The following RBFOX1 variants were observed in gnomAD, a reference collection of about 807,000 sequenced individuals.
The protein encoded by RBFOX1 is RNA binding fox-1 homolog 1.
RBFOX1 carries 8 observed loss-of-function variants against 57.7 expected under a neutral mutation model. That is an observed-to-expected ratio of 0.14 (90% CI 0.08 to 0.25). The LOEUF is 0.25. RBFOX1 is among the 10% of genes least tolerant of loss of function. RBFOX1 has a pLI of 1.00. For missense variants in RBFOX1, 611 were observed against 548.5 expected (o/e 1.11, Z -1.14); for synonymous variants, 326 against 222.4 (o/e 1.47, Z -4.15).
At chr16:5,995,378 T>C (rs1170285455) in intron 4 of RBFOX1, among the ~76,000 whole-genome samples, 2 of 152,094 alleles carry the variant, frequency 1.3e-5, no homozygotes, top group East Asian at 1.9e-4. Context: ...CTCATTAAGA[T>C]AGATTGCCCG....
In RBFOX1 at chr16:7,709,549, G is replaced by A. The variant is rs2083574928; in HGVS notation, c.1071+418G>A. On this transcript the variant is annotated intron_variant, in intron 15 of 15. Transcript: ENST00000550418. The stretch of plus-strand genomic sequence containing the variant: ...AGAGGAGCTAAGCTGCACACTTCCA[G>A]GCCTCTGCTGTCAGGCAGCTGAGAA... The A allele has an allele frequency of 2.6e-6, 4 of 1,532,260 alleles. No homozygotes were observed. The East Asian group carries it at 9.8e-5, about 38-fold the overall frequency. The allele number at this position is 1,532,260 out of a possible 1,614,324, so 94.9% of individuals were successfully genotyped here. A position where few individuals can be genotyped will look rare whatever the true frequency, so the allele number is the denominator to read the frequency against.
chr16:5,319,271 G>A (rs1333868890), intron 1 of RBFOX1, among the ~76,000 whole-genome samples: 1 of 152,232 alleles, frequency 6.6e-6, no homozygotes. Context: ...TGAGTGACCT[G>A]TAGAAGCTGA....
intron 3 of RBFOX1, among the ~76,000 whole-genome samples, chr16:6,772,314 C>G (rs994832494): frequency 6.6e-6 from 1 of 152,068 alleles, no homozygotes; most frequent in African/African-American, 2.4e-5. Flanking sequence ...GAGGAAGGAT[C>G]GATTGTGCTC....
At chr16:7,074,726 G>A (rs1302393750) in intron 4 of RBFOX1, among the ~76,000 whole-genome samples, 3 of 151,934 alleles carry the variant, frequency 2.0e-5, no homozygotes, top group Non-Finnish European at 4.4e-5. Context: ...GAGAGCATGG[G>A]GAAAAACAAG....
intron 4 of RBFOX1, among the ~76,000 whole-genome samples, chr16:7,386,672 G>T (rs988922606): frequency 3.3e-5 from 5 of 152,092 alleles, no homozygotes; most frequent in Non-Finnish European, 7.3e-5. Flanking sequence ...ATTGTGAACA[G>T]TGCCACAGTA....
chr16:5,617,752 G>A (rs765403779), intron 3 of RBFOX1, among the ~76,000 whole-genome samples: 4 of 152,206 alleles, frequency 2.6e-5, no homozygotes, highest in South Asian at 2.1e-4. Context: ...TGCTGTGAAC[G>A]GGAAAAACAA....
chr16:5,410,933 T>C lies in RBFOX1; in HGVS notation c.220-56283T>C, dbSNP rs1379100320. On this transcript the variant is annotated intron_variant, in intron 1 of 2. Coordinates refer to the RBFOX1 transcript ENST00000585867. ...TTTACATCTTGATTGTTTTCATCTC[T>C]AACTGGGGATCATGAAAGCACTTGT... is the stretch of plus-strand genomic sequence containing the variant. Among the ~76,000 whole-genome samples the C allele has an allele frequency of 2.0e-5, 3 of 152,260 alleles. No homozygotes were observed. In the East Asian group the frequency reaches 5.8e-4, roughly 29 times the overall value.
At chr16:5,491,871 C>A (rs1328274214) in intron 2 of RBFOX1, among the ~76,000 whole-genome samples, 1 of 152,208 alleles carries the variant, frequency 6.6e-6, no homozygotes, top group Non-Finnish European at 1.5e-5. Context: ...CAACAGGTAA[C>A]AACAGACAAA....
chr16:6,970,547 T>C (rs1170642198), intron 3 of RBFOX1, among the ~76,000 whole-genome samples: 1 of 152,050 alleles, frequency 6.6e-6, no homozygotes, highest in Non-Finnish European at 1.5e-5. Context: ...GAGGGCTGAG[T>C]CTCTGCCTTA....
intron 3 of RBFOX1, among the ~76,000 whole-genome samples, chr16:5,660,560 C>G (rs1180586480): frequency 2.0e-5 from 3 of 152,116 alleles, no homozygotes; most frequent in Non-Finnish European, 2.9e-5. Context: ...ATTGGGTGTT[C>G]TCATCATCTC....
At chr16:6,021,918 G>A (rs1005640754) in intron 1 of RBFOX1, among the ~76,000 whole-genome samples, 1 of 152,178 alleles carries the variant, frequency 6.6e-6, no homozygotes, top group Non-Finnish European at 1.5e-5. Context: ...TATGAGTTTT[G>A]TTTCTTTATT....
chr16:7,135,708 T>A (rs904092648), intron 4 of RBFOX1, among the ~76,000 whole-genome samples: 4 of 152,252 alleles, frequency 2.6e-5, no homozygotes, highest in Admixed American at 1.3e-4. Flanking sequence ...CCTAAGTGAA[T>A]TGAAATTTTA....
At chr16:5,464,365 T>C (rs1481756742) in intron 1 of RBFOX1, among the ~76,000 whole-genome samples, 2 of 152,198 alleles carry the variant, frequency 1.3e-5, no homozygotes. Context: ...GTTGTTTGCA[T>C]TCCTAGGATA....
chr16:6,209,991 TC>T (rs1360292023), intron 1 of RBFOX1, among the ~76,000 whole-genome samples: 2 of 152,064 alleles, frequency 1.3e-5, no homozygotes, highest in African/African-American at 2.4e-5. Flanking sequence ...ATTTTATATT[TC>T]TTCTCCATCT....
At chr16:6,893,674 T>A (rs2066063746) in intron 3 of RBFOX1, among the ~76,000 whole-genome samples, 1 of 152,206 alleles carries the variant, frequency 6.6e-6, no homozygotes, top group Non-Finnish European at 1.5e-5. Context: ...AGCCCAGAAC[T>A]GTACTTTATC....
At chr16:6,825,148 C>T (rs752300067) in intron 3 of RBFOX1, among the ~76,000 whole-genome samples, 7 of 151,342 alleles carry the variant, frequency 4.6e-5, no homozygotes, top group African/African-American at 1.2e-4. Context: ...CAACCTCACT[C>T]AGCACCCTTG....
chr16:5,577,640 TG>T (rs1160266819), intron 2 of RBFOX1, among the ~76,000 whole-genome samples: 5 of 152,200 alleles, frequency 3.3e-5, no homozygotes, highest in Non-Finnish European at 7.3e-5. Flanking sequence ...TGGTCTCGAA[TG>T]GATCATTTGC....
At chr16:6,184,983 G>A (rs1343395506) in intron 1 of RBFOX1, among the ~76,000 whole-genome samples, 1 of 152,160 alleles carries the variant, frequency 6.6e-6, no homozygotes, top group African/African-American at 2.4e-5. Context: ...GGAATTGCAG[G>A]TTTACACTTG....
chr16:6,989,534 T>G (rs1599344295), intron 3 of RBFOX1, among the ~76,000 whole-genome samples: 2 of 152,286 alleles, frequency 1.3e-5, no homozygotes, highest in Admixed American at 1.3e-4. Flanking sequence ...GCCTATCAAT[T>G]TATACGTAGT....
Sources: gnomAD v4.1 joint callset for allele counts (sites outside exome capture counted in the v4.1 genomes callset) on GRCh38, gnomAD v4.1.1 for gene constraint, MANE v1.5 for transcripts, NCBI Gene and HGNC (gene_info 2026-07-23, HGNC 2026-07-21) for gene names.